The following CCSER2 variants were observed in gnomAD, a reference collection of about 807,000 sequenced individuals.
CCSER2 encodes serine-rich coiled-coil domain-containing protein 2.
Under a neutral mutation model 92.3 loss-of-function variants are expected in CCSER2, and 46 were observed. The observed-to-expected ratio is 0.50, with a 90% confidence interval of 0.39 to 0.64. CCSER2 has a LOEUF of 0.64. CCSER2 is among the 30% of genes least tolerant of loss of function. The pLI is 0.00. For missense variants in CCSER2, 1,244 were observed against 1,238.9 expected (o/e 1.00, Z -0.06); for synonymous variants, 433 against 431.4 (o/e 1.00, Z -0.04).
At chr10:84,464,202 G>A (rs1424086353) in intron 7 of CCSER2, among the ~76,000 whole-genome samples, 186 bp downstream of exon 7, 2 of 152,024 alleles carry the variant, frequency 1.3e-5, no homozygotes, top group Non-Finnish European at 2.9e-5. Context: ...TTATCAGTTG[G>A]ATAATGATCT....
intron 9 of CCSER2, among the ~76,000 whole-genome samples, chr10:84,490,569 G>A (rs992342385): frequency 3.3e-5 from 5 of 152,094 alleles, no homozygotes; most frequent in South Asian, 2.1e-4. Context: ...CGTAGTTCTC[G>A]TGCCATGGTT....
intron 9 of CCSER2, among the ~76,000 whole-genome samples, chr10:84,506,989 A>C (rs1403823613): frequency 6.6e-6 from 1 of 152,156 alleles, no homozygotes; most frequent in Non-Finnish European, 1.5e-5. Flanking sequence ...TTTGTTTGGT[A>C]AGAGTCTTCA....
chr10:84,380,553 C>A (rs995646918), intron 3 of CCSER2, among the ~76,000 whole-genome samples: 1 of 152,092 alleles, frequency 6.6e-6, no homozygotes, highest in Non-Finnish European at 1.5e-5. Flanking sequence ...CCATTCCCAT[C>A]CTAAGGCCAT....
At chr10:84,446,242 A>T (rs1440314662) in intron 6 of CCSER2, among the ~76,000 whole-genome samples, 1 of 152,208 alleles carries the variant, frequency 6.6e-6, no homozygotes, top group African/African-American at 2.4e-5. Flanking sequence ...GATTTATATT[A>T]TGTCTACTTC....
At chr10:84,436,340 AAAAAAAAAAAAAAT>A (rs1844135011) in intron 5 of CCSER2, among the ~76,000 whole-genome samples, 2 of 136,408 alleles carry the variant, frequency 1.5e-5, no homozygotes, top group African/African-American at 2.7e-5. Context: ...AAAAAAAAAA[AAAAAAAAAAAAAAT>A]GCCGGGCGCG....
At chr10:84,466,507 G>GT (rs1564695272) in intron 7 of CCSER2, among the ~76,000 whole-genome samples, 11 of 131,744 alleles carry the variant, frequency 8.3e-5, no homozygotes, top group Non-Finnish European at 1.2e-4. Context: ...TTGTTTTTTT[G>GT]GTTTTTTTTT....
intron 6 of CCSER2, among the ~76,000 whole-genome samples, chr10:84,460,247 G>A (rs1288929439): frequency 1.5e-5 from 2 of 136,434 alleles, no homozygotes; most frequent in Non-Finnish European, 3.1e-5. Flanking sequence ...GCGCCACCAT[G>A]CCCGGCTGAT....
chr10:84,507,007 C>T (rs1849091847), intron 9 of CCSER2, among the ~76,000 whole-genome samples: 1 of 151,984 alleles, frequency 6.6e-6, no homozygotes, highest in Non-Finnish European at 1.5e-5. Flanking sequence ...TCAAGTGATT[C>T]CTCTTAAGTG....
chr10:84,344,579 G>C (rs1337099156), intron 1 of CCSER2, among the ~76,000 whole-genome samples: 2 of 152,226 alleles, frequency 1.3e-5, no homozygotes, highest in East Asian at 3.9e-4. Flanking sequence ...TATCATTTTG[G>C]CTTATGTTAT....
intron 1 of CCSER2, among the ~76,000 whole-genome samples, chr10:84,355,621 C>T (rs1436722253): frequency 6.6e-6 from 1 of 152,134 alleles, no homozygotes; most frequent in African/African-American, 2.4e-5. Flanking sequence ...CTTATTTTAT[C>T]CACAACCTCT....
chr10:84,507,545 T>C (rs568327405), intron 9 of CCSER2, among the ~76,000 whole-genome samples: 1 of 152,224 alleles, frequency 6.6e-6, no homozygotes, highest in African/African-American at 2.4e-5. Context: ...AGCTAAATTC[T>C]GTGTCTGTTA....
chr10:84,458,808 G>A (rs1286968128), intron 6 of CCSER2, among the ~76,000 whole-genome samples: 2 of 151,762 alleles, frequency 1.3e-5, no homozygotes, highest in Admixed American at 6.6e-5. Flanking sequence ...TTAATATACA[G>A]AGTCTGTGTT....
chr10:84,379,957 G>A (rs1840807837), intron 3 of CCSER2, among the ~76,000 whole-genome samples: 1 of 152,018 alleles, frequency 6.6e-6, no homozygotes, highest in Admixed American at 6.6e-5. Context: ...TGAACATTCG[G>A]ATTCAATTCT....
Position 84,372,219 on chromosome 10 carries a change from C to G in CCSER2, c.1167C>G (p.Tyr389Ter). ...QTMKHDAKMRYLSDDVDDISL... is the reference protein window; with the variant it reads ...QTMKHDAKMR ...TGAAACATGATGCTAAAATGAGATA[C>G]CTGAGTGATGATGTGGATGACATTT... The change falls in exon 2 of 10, where the codon TAC (tyrosine) becomes TAG (stop). Residue 389 changes from tyrosine (Y) to a stop codon, truncating the protein, a stop_gained. Coordinates refer to ENST00000372088, the MANE Select transcript of CCSER2 (RefSeq NM_001284240.2). LOFTEE classifies it high-confidence loss of function. 2 of 1,613,398 alleles carry G rather than the reference C, an allele frequency of 1.2e-6. No individual in the cohort carries two copies. Among genetic ancestry groups the G allele is most frequent in the Non-Finnish European group, 1.7e-6 (2 of 1,179,614 alleles).
At chr10:84,510,522 G>C (rs1298714867) in intron 9 of CCSER2, among the ~76,000 whole-genome samples, 1 of 152,150 alleles carries the variant, frequency 6.6e-6, no homozygotes, top group African/African-American at 2.4e-5. Context: ...TTTAAAAAGT[G>C]TATGCTTTTT....
At chr10:84,510,450 C>T (rs1463224053) in intron 9 of CCSER2, among the ~76,000 whole-genome samples, 1 of 152,104 alleles carries the variant, frequency 6.6e-6, no homozygotes, top group African/African-American at 2.4e-5. Flanking sequence ...AGCACAGGAA[C>T]AAAGTTATGT....
chr10:84,391,816 C>T (rs535888515), intron 3 of CCSER2: 73 of 1,563,330 alleles, frequency 4.7e-5, no homozygotes, highest in Non-Finnish European at 5.4e-5. Context: ...TTCAGCATTC[C>T]GTGGAATTTG....
chr10:84,512,776 C>T (rs1405797845), intron 9 of CCSER2, among the ~76,000 whole-genome samples: 1 of 152,162 alleles, frequency 6.6e-6, no homozygotes, highest in Non-Finnish European at 1.5e-5. Flanking sequence ...TAGGGTAGAT[C>T]TGTTTTTCAC....
At chr10:84,412,174 A>G (rs1304122569) in intron 3 of CCSER2, among the ~76,000 whole-genome samples, 2 of 151,922 alleles carry the variant, frequency 1.3e-5, no homozygotes, top group Admixed American at 1.3e-4. Context: ...TTGATGTGCT[A>G]CTGCCTTCTG....
Sources: allele counts gnomAD v4.1 joint callset (sites outside exome capture counted in the v4.1 genomes callset), GRCh38; gene constraint gnomAD v4.1.1; transcripts MANE v1.5; gene names NCBI Gene and HGNC (gene_info 2026-07-23, HGNC 2026-07-21).